FMN2: variants seen among roughly 807,000 people sequenced by gnomAD.
The protein encoded by FMN2 is formin 2, also known as formin-2.
Under a neutral mutation model 142.3 loss-of-function variants are expected in FMN2, and 51 were observed. The ratio of observed to expected loss-of-function variants is 0.36; its 90% CI spans 0.29 to 0.45. The LOEUF (loss-of-function observed/expected upper bound fraction) is 0.45, where lower values mean the gene tolerates loss of function less well. Among genes scored for constraint, FMN2 ranks in the 20% least tolerant of loss-of-function variants. The pLI, the probability that FMN2 is intolerant of heterozygous loss-of-function variation, is 1.00. For synonymous variants in FMN2, 882 were observed against 869.8 expected (o/e 1.01, Z -0.25); for missense variants, 1,936 against 2,122.8 (o/e 0.91, Z 1.73).
chr1:240,430,384 G>GT (rs1199029254), intron 15 of FMN2, among the ~76,000 whole-genome samples: 3 of 152,000 alleles, frequency 2.0e-5, no homozygotes, highest in Admixed American at 6.6e-5. Flanking sequence ...AATTTTAATT[G>GT]TTCTACATTC....
intron 13 of FMN2, among the ~76,000 whole-genome samples, chr1:240,343,793 A>C (rs78189243): frequency 6.6e-6 from 1 of 152,340 alleles, no homozygotes; most frequent in East Asian, 1.9e-4. Flanking sequence ...GTAGAAAGCA[A>C]TAAAGACATA....
intron 8 of FMN2, among the ~76,000 whole-genome samples, chr1:240,298,979 C>T (rs1304382169): frequency 6.6e-6 from 1 of 151,186 alleles, no homozygotes; most frequent in Non-Finnish European, 1.5e-5. Flanking sequence ...GAGGTGGAGT[C>T]TCACTCTGTC....
intron 8 of FMN2, among the ~76,000 whole-genome samples, chr1:240,297,323 T>C (rs899430248): frequency 1.3e-5 from 2 of 152,046 alleles, no homozygotes; most frequent in African/African-American, 2.4e-5. Context: ...GGGCTGGGTG[T>C]GGTGGCTCAT....
chr1:240,275,603 A>G (rs1669177544), intron 7 of FMN2, among the ~76,000 whole-genome samples: 1 of 152,090 alleles, frequency 6.6e-6, no homozygotes, highest in African/African-American at 2.4e-5. Context: ...TTGGGTATAT[A>G]CCCAGTAATG....
intron 11 of FMN2, among the ~76,000 whole-genome samples, chr1:240,332,033 T>A (rs538135080): frequency 1.3e-5 from 2 of 152,180 alleles, no homozygotes; most frequent in Non-Finnish European, 2.9e-5. Context: ...TGTGTCTCTG[T>A]GTACGTGTGT....
At chr1:240,417,240 G>T (rs888918869) in intron 15 of FMN2, among the ~76,000 whole-genome samples, 11 of 150,250 alleles carry the variant, frequency 7.3e-5, no homozygotes, top group African/African-American at 2.7e-4. Flanking sequence ...ATTCTCATCC[G>T]CATATTTTCT....
intron 2 of FMN2, among the ~76,000 whole-genome samples, chr1:240,136,785 G>A (rs1662957744): frequency 6.6e-6 from 1 of 151,990 alleles, no homozygotes; most frequent in East Asian, 1.9e-4. Flanking sequence ...ATAAAATTGG[G>A]AATCTGGCCT....
At chr1:240,334,466 C>G (rs968932957) in intron 13 of FMN2, among the ~76,000 whole-genome samples, 1 of 152,106 alleles carries the variant, frequency 6.6e-6, no homozygotes, top group African/African-American at 2.4e-5. Context: ...AACAATCTGT[C>G]TTGTCAGGAA....
At chr1:240,219,185 C>T (rs991948166) in intron 6 of FMN2, among the ~76,000 whole-genome samples, 3 of 152,124 alleles carry the variant, frequency 2.0e-5, no homozygotes, top group Non-Finnish European at 4.4e-5. Context: ...GAATGTGTTT[C>T]CTTCTCATCC....
intron 2 of FMN2, among the ~76,000 whole-genome samples, chr1:240,145,825 A>G (rs1368200408): frequency 2.0e-5 from 3 of 151,982 alleles, no homozygotes; most frequent in African/African-American, 2.4e-5. Context: ...GGCGATTTTC[A>G]TATTCAAAAT....
At chr1:240,199,268 A>G (rs577714801) in intron 4 of FMN2, among the ~76,000 whole-genome samples, 6 of 152,358 alleles carry the variant, frequency 3.9e-5, no homozygotes, top group African/African-American at 1.4e-4. Context: ...TAGAAAATTA[A>G]TTATATATCT....
At chr1:240,231,127 A>C (rs1440843897) in intron 6 of FMN2, among the ~76,000 whole-genome samples, 1 of 132,062 alleles carries the variant, frequency 7.6e-6, no homozygotes, top group African/African-American at 3.2e-5. Flanking sequence ...CCTTCTTCTC[A>C]ATACTGCCAC....
At chr1:240,188,498 C>G (rs116089775) in intron 4 of FMN2, among the ~76,000 whole-genome samples, 1 of 152,262 alleles carries the variant, frequency 6.6e-6, no homozygotes, top group Non-Finnish European at 1.5e-5. Flanking sequence ...CTGTTTTATT[C>G]TATATCCAGC....
Position 240,093,629 on chromosome 1 carries a change from T to C in FMN2, c.1520T>C (p.Val507Ala), listed in dbSNP as rs1250539437. The change falls in exon 1 of 18, where the codon GTG (valine) becomes GCG (alanine). Residue 507 changes from valine to alanine, a missense_variant. Val to Ala is a moderately conservative substitution (Grantham distance 64). Transcript: ENST00000319653. Reference sequence around the variant, plus strand: ...TCCGCGCACCTGCTGGAGCGCGGGGTGGCGAGTGACAGCGGCGGTGGGGTG... The same window carrying C: ...TCCGCGCACCTGCTGGAGCGCGGGGCGGCGAGTGACAGCGGCGGTGGGGTG... ...GGSAHLLERG[V>A]ASDSGGGVSP... The C allele has an allele frequency of 1.4e-6, 2 of 1,421,988 alleles. No homozygotes were observed. Among genetic ancestry groups the C allele is most frequent in the East Asian group, 5.5e-5 (2 of 36,124 alleles). 88.1% of individuals were successfully genotyped at this position (1,421,988 alleles called of 1,614,324 possible).
chr1:240,402,436 T>C (rs532953312), intron 15 of FMN2, among the ~76,000 whole-genome samples: 20 of 152,368 alleles, frequency 1.3e-4, no homozygotes, highest in African/African-American at 3.8e-4. Flanking sequence ...TCTGCAGTTC[T>C]CCTGGAAAGT....
chr1:240,392,583 C>T (rs1673640422), intron 15 of FMN2, 21 bp downstream of exon 15: 2 of 1,591,308 alleles, frequency 1.3e-6, no homozygotes, highest in Admixed American at 3.5e-5. Context: ...ACTTTATTTC[C>T]TCCCAGAATA....
intron 2 of FMN2, among the ~76,000 whole-genome samples, chr1:240,125,684 G>A (rs1662468206): frequency 6.6e-6 from 1 of 152,152 alleles, no homozygotes; most frequent in Non-Finnish European, 1.5e-5. Context: ...TGTAGAATTG[G>A]ATAAACAGAA....
chr1:240,116,535 T>A (rs1030561050), intron 1 of FMN2, among the ~76,000 whole-genome samples: 1 of 133,982 alleles, frequency 7.5e-6, no homozygotes, highest in Non-Finnish European at 1.7e-5. Flanking sequence ...AGTAAAATGC[T>A]TTAAGGAGTA....
chr1:240,126,356 T>A (rs1187367459), intron 2 of FMN2, among the ~76,000 whole-genome samples: 1 of 151,090 alleles, frequency 6.6e-6, no homozygotes, highest in Non-Finnish European at 1.5e-5. Flanking sequence ...CTGGTACCCT[T>A]CCTACCTACC....
Sources: gnomAD v4.1 joint callset for allele counts (sites outside exome capture counted in the v4.1 genomes callset) on GRCh38, gnomAD v4.1.1 for gene constraint, MANE v1.5 for transcripts, NCBI Gene and HGNC (gene_info 2026-07-23, HGNC 2026-07-21) for gene names.